PHYH: variants seen among roughly 807,000 people sequenced by gnomAD.
PHYH encodes phytanoyl-CoA dioxygenase, peroxisomal.
A neutral mutation model predicts 38.5 loss-of-function variants in PHYH; 32 were observed. The ratio of observed to expected loss-of-function variants is 0.83; its 90% CI spans 0.63 to 1.12. The LOEUF is 1.12. PHYH is among the 50% of genes most tolerant of loss of function. PHYH has a pLI of 0.00. For missense variants in PHYH, 426 were observed against 434.8 expected, an observed-to-expected ratio of 0.98 and a Z score of 0.18; for synonymous variants, 166 against 157.9, an observed-to-expected ratio of 1.05 and a Z score of -0.38.
chr10:13,281,151 C>T, intron 7 of PHYH, 41 bp from the exon 8 acceptor site: 1 of 1,606,346 alleles, frequency 6.2e-7, no homozygotes, highest in Non-Finnish European at 8.5e-7. Flanking sequence ...AAAAACATCC[C>T]ATGAATACCA....
At chr10:13,288,968 T>G (rs976164250) in intron 5 of PHYH, among the ~76,000 whole-genome samples, 1 of 134,210 alleles carries the variant, frequency 7.5e-6, no homozygotes, top group Non-Finnish European at 1.6e-5. Context: ...AGAATTCTTA[T>G]CCTTTGCCTG....
At chr10:13,288,680 C>A in intron 5 of PHYH, 139 bp from the exon 6 acceptor site, 1 of 760,260 alleles carries the variant, frequency 1.3e-6, no homozygotes, top group Non-Finnish European at 2.3e-6. Flanking sequence ...CCTGGGAGTT[C>A]AAAACCATCC....
chr10:13,299,744 C>T, intron 1 of PHYH: 1 of 1,308,330 alleles, frequency 7.6e-7, no homozygotes, highest in South Asian at 2.2e-5. Flanking sequence ...GCGGCAATTG[C>T]CCCGACCCCA....
chr10:13,292,166 A>G (rs1434450433), intron 4 of PHYH, among the ~76,000 whole-genome samples: 2 of 152,192 alleles, frequency 1.3e-5, no homozygotes, highest in Non-Finnish European at 2.9e-5. Context: ...TACAAGAAAC[A>G]TAGGAGTTCC....
rs778011598 is a variant in PHYH at position 13,298,238 on chromosome 10, T to C, written c.83A>G (p.His28Arg). 61 of 1,596,434 alleles carry C rather than the reference T, an allele frequency of 3.8e-5. No homozygotes were observed. In the East Asian group the frequency reaches 1.3e-3, roughly 35 times the overall value. The change falls in exon 2 of 9, where the codon CAT (histidine) becomes CGT (arginine). Residue 28 changes from histidine to arginine, a missense_variant. By Grantham distance (29) the His-to-Arg change is conservative. Transcript: ENST00000263038. ...GRPSAGAVVA[H>R]PTSGTISSAS... is the part of the protein sequence containing the mutation. Reference sequence around the variant, plus strand: ...AGAGGAAATAGTCCCTGAAGTGGGATGAGCTACCTAGGATGTGAATTAAGG... The same window carrying C: ...AGAGGAAATAGTCCCTGAAGTGGGACGAGCTACCTAGGATGTGAATTAAGG...
chr10:13,279,729 A>T (rs947020648), intron 8 of PHYH, among the ~76,000 whole-genome samples: 1 of 152,238 alleles, frequency 6.6e-6, no homozygotes, highest in South Asian at 2.1e-4. Flanking sequence ...TAATTAAACT[A>T]AATGTGGGAG....
intron 4 of PHYH, among the ~76,000 whole-genome samples, chr10:13,293,153 C>T (rs762229185): frequency 6.6e-6 from 1 of 152,026 alleles, no homozygotes; most frequent in Non-Finnish European, 1.5e-5. Context: ...TTTTATAAAG[C>T]CTGGTATTTT....
chr10:13,286,865 C>T (rs1482656317), intron 6 of PHYH, among the ~76,000 whole-genome samples: 1 of 152,106 alleles, frequency 6.6e-6, no homozygotes, highest in Non-Finnish European at 1.5e-5. Flanking sequence ...CCTGCAGTAA[C>T]AGAAAGCAGC....
At chr10:13,299,813 A>C in intron 1 of PHYH, 155 bp downstream of exon 1, 15 of 1,312,868 alleles carry the variant, frequency 1.1e-5, no homozygotes, top group Admixed American at 4.2e-5. Flanking sequence ...GGCTCCTGGA[A>C]GAGACGCGAC....
At chr10:13,280,116 G>GCC (rs1296197160) in intron 8 of PHYH, among the ~76,000 whole-genome samples, 3 of 152,048 alleles carry the variant, frequency 2.0e-5, no homozygotes, top group African/African-American at 7.2e-5. Context: ...CTACAGGCAT[G>GCC]TGCCACCAGA....
intron 6 of PHYH, among the ~76,000 whole-genome samples, chr10:13,288,122 G>C (rs1196111093): frequency 2.0e-5 from 3 of 152,188 alleles, no homozygotes; most frequent in Non-Finnish European, 2.9e-5. Flanking sequence ...GGAGGTTGCA[G>C]TGAGTTGAGC....
At chr10:13,297,887 G>A (rs1832609183) in intron 2 of PHYH, among the ~76,000 whole-genome samples, 1 of 151,836 alleles carries the variant, frequency 6.6e-6, no homozygotes, top group South Asian at 2.1e-4. Flanking sequence ...TTTAGCCCAG[G>A]AGTTCAACAC....
intron 5 of PHYH, 131 bp from the exon 6 acceptor site, chr10:13,288,672 TG>T (rs1275185797): frequency 1.3e-5 from 11 of 853,310 alleles, no homozygotes; most frequent in Non-Finnish European, 1.9e-5. Context: ...GGCTTGAGCC[TG>T]GGAGTTCAAA....
At chr10:13,299,946 C>A (rs370226880) in intron 1 of PHYH, 22 bp downstream of exon 1, 3 of 1,514,700 alleles carry the variant, frequency 2.0e-6, no homozygotes, top group African/African-American at 1.4e-5. Flanking sequence ...CCAGCCCGAG[C>A]CCCGCGCAGC....
At chr10:13,297,534 A>T (rs907708003) in intron 2 of PHYH, among the ~76,000 whole-genome samples, 15 of 152,088 alleles carry the variant, frequency 9.9e-5, no homozygotes, top group Non-Finnish European at 2.1e-4. Context: ...GCTCACTGCA[A>T]CCTTGACTTC....
chr10:13,284,650 G>A (rs1835501635), intron 6 of PHYH, among the ~76,000 whole-genome samples: 1 of 152,138 alleles, frequency 6.6e-6, no homozygotes, highest in Non-Finnish European at 1.5e-5. Flanking sequence ...GAGCTCAAAG[G>A]CACTTATGTT....
In PHYH at chr10:13,278,016, G is replaced by A; in HGVS notation, c.*285C>T. The A allele has an allele frequency of 4.9e-6, 2 of 411,144 alleles. No homozygotes were observed. The highest frequency in any genetic ancestry group is 5.3e-5 in the East Asian group (1 of 18,806). 25.5% of individuals were successfully genotyped at this position (411,144 alleles called of 1,614,324 possible). A position where few individuals can be genotyped will look rare whatever the true frequency, so the allele number is the denominator to read the frequency against. ...TGGGTAAAGAGCTAACTGAATGAAA[G>A]AAATTGATTTAACACTTAAATTAGA... is the stretch of plus-strand genomic sequence containing the variant. On this transcript the variant is annotated 3_prime_UTR_variant, in exon 9 of 9. Coordinates refer to ENST00000263038, the MANE Select transcript of PHYH (RefSeq NM_006214.4).
At chr10:13,290,424 C>A (rs1289054813) in intron 5 of PHYH, among the ~76,000 whole-genome samples, 1 of 152,166 alleles carries the variant, frequency 6.6e-6, no homozygotes, top group South Asian at 2.1e-4. Flanking sequence ...GAGTGTGGCT[C>A]CCGAACACCT....
rs1835617888 is a variant in PHYH at position 13,288,521 on chromosome 10, G to A, written c.517C>T (p.Pro173Ser). The change falls in exon 6 of 9, where the codon CCC becomes TCC. Residue 173 changes from proline to serine, a missense_variant. Coordinates refer to ENST00000263038, the MANE Select transcript of PHYH (RefSeq NM_006214.4). ...AAATAGTGCAGGTCCTGGTGCAGGG[G>A]GTGACGGGACGTCTTCTTGCCTGAA... ...PDSGKKTSRH[P>S]LHQDLHYFPF... 2 of 1,614,116 alleles carry A rather than the reference G, an allele frequency of 1.2e-6. No individual in the cohort carries two copies. Among genetic ancestry groups the A allele is most frequent in the Non-Finnish European group, 1.7e-6 (2 of 1,180,028 alleles).
Sources: gnomAD v4.1 joint callset for allele counts (sites outside exome capture counted in the v4.1 genomes callset) on GRCh38, gnomAD v4.1.1 for gene constraint, MANE v1.5 for transcripts, NCBI Gene and HGNC (gene_info 2026-07-23, HGNC 2026-07-21) for gene names.